The following AMOTL1 variants were observed in gnomAD, a reference collection of about 807,000 sequenced individuals.
AMOTL1 encodes the protein angiomotin like 1, also known as angiomotin-like protein 1.
AMOTL1 carries 45 observed loss-of-function variants against 102.9 expected under a neutral mutation model. The observed-to-expected ratio is 0.44, with a 90% CI of 0.34 to 0.56. The LOEUF (loss-of-function observed/expected upper bound fraction) is 0.56, where lower values mean the gene tolerates loss of function less well. Ranked by LOEUF, AMOTL1 falls within the 20% of genes least tolerant of loss-of-function variation. The pLI, the probability that AMOTL1 is intolerant of heterozygous loss-of-function variation, is 0.01. For synonymous variants in AMOTL1, 481 were observed against 484.7 expected (o/e 0.99, Z 0.10); for missense variants, 1,114 against 1,225.6 (o/e 0.91, Z 1.36).
chr11:94,710,306 G>A (rs1950003360), intron 1 of AMOTL1, among the ~76,000 whole-genome samples: 1 of 152,224 alleles, frequency 6.6e-6, no homozygotes, highest in Non-Finnish European at 1.5e-5. Flanking sequence ...AGGCTTTGGT[G>A]AAGACACATA....
intron 6 of AMOTL1, among the ~76,000 whole-genome samples, chr11:94,847,793 A>G (rs72973822): frequency 0.012 from 1,845 of 152,202 alleles, 16 homozygotes; most frequent in Non-Finnish European, 0.021. Flanking sequence ...TTGTTGACTC[A>G]GGACTATCTA....
chr11:94,780,820 A>G (rs1951099055), intron 1 of AMOTL1, among the ~76,000 whole-genome samples: 1 of 152,238 alleles, frequency 6.6e-6, no homozygotes, highest in Non-Finnish European at 1.5e-5. Context: ...TTATGTTCAC[A>G]TAGCTCATCA....
intron 3 of AMOTL1, among the ~76,000 whole-genome samples, chr11:94,810,496 CA>C (rs5793699): frequency 1.3e-3 from 168 of 133,498 alleles, no homozygotes; most frequent in African/African-American, 4.2e-3. Context: ...TATTTTAGTC[CA>C]AAAAAAAAAA....
At chr11:94,803,540 A>G (rs1181763931) in intron 3 of AMOTL1, among the ~76,000 whole-genome samples, 1 of 152,246 alleles carries the variant, frequency 6.6e-6, no homozygotes, top group Non-Finnish European at 1.5e-5. Context: ...TAAATGGATA[A>G]GAATGAGGAC....
intron 8 of AMOTL1, among the ~76,000 whole-genome samples, chr11:94,858,904 A>C (rs553440722): frequency 4.6e-5 from 7 of 152,314 alleles, no homozygotes; most frequent in African/African-American, 1.7e-4. Flanking sequence ...AAGGCCGAAA[A>C]ATGAGCTTGC....
intron 9 of AMOTL1, among the ~76,000 whole-genome samples, chr11:94,863,930 G>A (rs1345072279): frequency 6.6e-6 from 1 of 152,176 alleles, no homozygotes; most frequent in Non-Finnish European, 1.5e-5. Context: ...ACTTGTCAAG[G>A]ACAGTGTCTG....
intron 1 of AMOTL1, among the ~76,000 whole-genome samples, chr11:94,790,909 T>C (rs1951273746): frequency 6.6e-6 from 1 of 152,218 alleles, no homozygotes; most frequent in African/African-American, 2.4e-5. Flanking sequence ...CCACGGTTTC[T>C]GTTGCTCCTC....
Position 94,869,397 on chromosome 11 carries a change from C to T in AMOTL1, c.2688C>T (p.Arg896=), listed in dbSNP as rs955128227. The change falls in exon 12 of 13, where the codon CGC becomes CGT. Residue 896 remains arginine (R), a synonymous_variant. Transcript: ENST00000433060. ...CCAGCATGGCCTCCCTTCCCAGCCGCGGCCGGCTGAGCACGACCCCTGCTC... is the reference window on the plus strand; with the variant it reads ...CCAGCATGGCCTCCCTTCCCAGCCGTGGCCGGCTGAGCACGACCCCTGCTC... The part of the protein sequence containing the change: ...FWPSMASLPS[R]GRLSTTPAHS... 53 of 1,605,528 alleles carry T rather than the reference C, an allele frequency of 3.3e-5. No individual in the cohort carries two copies. Among genetic ancestry groups the T allele is most frequent in the Admixed American group, 5.1e-5 (3 of 58,864 alleles).
At chr11:94,821,947 T>G (rs1951875770) in intron 4 of AMOTL1, 126 bp downstream of exon 4, 4 of 1,253,562 alleles carry the variant, frequency 3.2e-6, no homozygotes, top group Non-Finnish European at 4.4e-6. Context: ...GTGCAAGGCT[T>G]TAGGGAGATG....
chr11:94,831,599 A>G (rs1952073632), intron 6 of AMOTL1, 58 bp downstream of exon 6: 1 of 1,422,606 alleles, frequency 7.0e-7, no homozygotes, highest in African/African-American at 1.4e-5. Context: ...GGGGTCCTGA[A>G]GGAAGAATCA....
intron 1 of AMOTL1, among the ~76,000 whole-genome samples, chr11:94,782,565 A>G (rs1016488436): frequency 1.3e-5 from 2 of 152,244 alleles, no homozygotes; most frequent in African/African-American, 4.8e-5. Context: ...AGACAGGCCA[A>G]TAGATTTTAA....
intron 1 of AMOTL1, among the ~76,000 whole-genome samples, chr11:94,788,271 C>T (rs190012152): frequency 9.8e-5 from 15 of 152,308 alleles, no homozygotes; most frequent in African/African-American, 3.4e-4. Flanking sequence ...ACTACCTAAT[C>T]TCTAATTTAT....
chr11:94,822,505 C>T (rs981909447), intron 4 of AMOTL1, among the ~76,000 whole-genome samples: 4 of 152,170 alleles, frequency 2.6e-5, no homozygotes, highest in African/African-American at 9.7e-5. Context: ...GAATCTCAGA[C>T]AGGAACCTTG....
chr11:94,728,196 G>T (rs1950290386), intron 1 of AMOTL1, among the ~76,000 whole-genome samples: 1 of 152,052 alleles, frequency 6.6e-6, no homozygotes. Context: ...TGTAATATGG[G>T]CAAGAGTTTG....
intron 3 of AMOTL1, among the ~76,000 whole-genome samples, chr11:94,758,027 A>T (rs1950747401): frequency 6.6e-6 from 1 of 152,180 alleles, no homozygotes; most frequent in Non-Finnish European, 1.5e-5. Flanking sequence ...GTGCCATTGC[A>T]CTCCAGCCTG....
intron 1 of AMOTL1, among the ~76,000 whole-genome samples, chr11:94,788,739 T>G (rs192170278): frequency 1.3e-5 from 2 of 152,384 alleles, no homozygotes; most frequent in East Asian, 1.9e-4. Flanking sequence ...CTCACAGTGA[T>G]CTCTTGGACT....
intron 4 of AMOTL1, among the ~76,000 whole-genome samples, chr11:94,822,159 C>T (rs1019682314): frequency 3.3e-5 from 5 of 152,096 alleles, no homozygotes; most frequent in Non-Finnish European, 5.9e-5. Context: ...GTAAATAACA[C>T]GGAGGAGGCC....
At chr11:94,741,858 T>G (rs573800448) in intron 3 of AMOTL1, among the ~76,000 whole-genome samples, 4 of 152,218 alleles carry the variant, frequency 2.6e-5, no homozygotes, top group Middle Eastern at 3.2e-3. Flanking sequence ...TTATGATATA[T>G]GTTGACAGTA....
At position 94,871,275 on chromosome 11, in the gene AMOTL1, CCGTGAG is replaced by C. The variant is rs1952990867; in HGVS notation, c.*481_*486del. The C allele has an allele frequency of 6.6e-6, 1 of 152,374 alleles. No individual in the cohort carries two copies. The highest frequency in any genetic ancestry group is 2.4e-5 in the African/African-American group (1 of 41,398). 9.4% of individuals were successfully genotyped at this position (152,374 alleles called of 1,614,324 possible). ...TCACCTGTGCCAACCATGGGGTGTC[CCGTGAG>C]TGTGAGTGTGGCAGTGAGAAGAAGC... On this transcript the variant is annotated 3_prime_UTR_variant, in exon 13 of 13. Coordinates refer to ENST00000433060, the MANE Select transcript of AMOTL1 (RefSeq NM_130847.3).
Sources: gnomAD v4.1 joint callset for allele counts (sites outside exome capture counted in the v4.1 genomes callset) on GRCh38, gnomAD v4.1.1 for gene constraint, MANE v1.5 for transcripts, NCBI Gene and HGNC (gene_info 2026-07-23, HGNC 2026-07-21) for gene names.